Variants in FCHSD2 observed in about 807,000 individuals in gnomAD.
FCHSD2 encodes F-BAR and double SH3 domains protein 2.
A neutral mutation model predicts 108.1 loss-of-function variants in FCHSD2; 38 were observed. That is an observed-to-expected ratio of 0.35 (90% CI 0.27 to 0.46). FCHSD2 has a LOEUF of 0.46. Ranked by LOEUF, FCHSD2 falls within the 20% of genes least tolerant of loss-of-function variation. The pLI is 1.00. For synonymous variants in FCHSD2, 279 were observed against 314.7 expected, an observed-to-expected ratio of 0.89 and a Z score of 1.20; for missense variants, 751 against 897.8, an observed-to-expected ratio of 0.84 and a Z score of 2.09.
At chr11:73,103,346 G>A (rs531250629) in intron 2 of FCHSD2, among the ~76,000 whole-genome samples, 10 of 152,142 alleles carry the variant, frequency 6.6e-5, no homozygotes, top group African/African-American at 2.2e-4. Context: ...TTCAGAACCC[G>A]CAAAACACTG....
chr11:72,847,537 T>C (rs1397505604), intron 14 of FCHSD2, among the ~76,000 whole-genome samples: 2 of 152,052 alleles, frequency 1.3e-5, no homozygotes, highest in African/African-American at 4.8e-5. Flanking sequence ...TAAGATTAAG[T>C]TTGGCTGGGC....
intron 5 of FCHSD2, among the ~76,000 whole-genome samples, chr11:72,991,775 C>T (rs1481861955): frequency 1.3e-5 from 2 of 152,122 alleles, no homozygotes; most frequent in East Asian, 1.9e-4. Flanking sequence ...ATAATAAGAA[C>T]TATCTATGAC....
intron 2 of FCHSD2, among the ~76,000 whole-genome samples, chr11:73,138,215 C>T (rs973172808): frequency 2.0e-5 from 3 of 152,282 alleles, no homozygotes; most frequent in East Asian, 3.9e-4. Flanking sequence ...ATTATTGCCC[C>T]ATTTTACAAA....
intron 8 of FCHSD2, among the ~76,000 whole-genome samples, chr11:72,963,132 C>T (rs1193599369): frequency 6.6e-6 from 1 of 152,132 alleles, no homozygotes; most frequent in Admixed American, 6.5e-5. Flanking sequence ...CAGTACTTTA[C>T]GTGTGTTTTT....
intron 8 of FCHSD2, among the ~76,000 whole-genome samples, chr11:72,969,482 A>AT (rs1565347312): frequency 6.6e-6 from 1 of 152,164 alleles, no homozygotes; most frequent in South Asian, 2.1e-4. Context: ...CTTTGTCTTA[A>AT]TTTTTTGAGG....
chr11:73,087,192 GT>G (rs1366338272), intron 2 of FCHSD2, among the ~76,000 whole-genome samples: 11 of 151,996 alleles, frequency 7.2e-5, no homozygotes, highest in African/African-American at 2.7e-4. Context: ...GTGTGTCTTT[GT>G]TTTTGACAAA....
Position 72,841,506 on chromosome 11 carries a change from G to A in FCHSD2, c.2004C>T (p.Pro668=). 6.2e-7 allele frequency: 1 copy of A among 1,611,480 alleles called. No individual in the cohort carries two copies. Among genetic ancestry groups the A allele is most frequent in the Non-Finnish European group, 8.5e-7 (1 of 1,178,894 alleles). ...ACAGGGAGCTCCTCTTATCTGGGCTGGGGTAGGGGCTGCTGGGAGGCTGGT... is the reference window on the plus strand; with the variant it reads ...ACAGGGAGCTCCTCTTATCTGGGCTAGGGTAGGGGCTGCTGGGAGGCTGGT... ...LYDQPPSSPY[P]SPDKRSSLYF... The change falls in exon 18 of 20, where the codon CCC becomes CCT. Residue 668 remains proline, a synonymous_variant. Transcript: ENST00000409418.
At position 73,142,111 on chromosome 11, in the gene FCHSD2, G is replaced by A. The variant is rs1214073786; in HGVS notation, c.-234C>T. On this transcript the variant is annotated 5_prime_UTR_variant, in exon 1 of 20. Coordinates refer to ENST00000409418, the MANE Select transcript of FCHSD2 (RefSeq NM_014824.3). ...ACCGGGAAGGCTTGGGGCCCGGGCG[G>A]CCCGGGCGGCCCGGGGGTGTGTGAG... is the stretch of plus-strand genomic sequence containing the variant. 15 of 420,790 alleles carry A rather than the reference G, an allele frequency of 3.6e-5. No individual in the cohort carries two copies. Among genetic ancestry groups the A allele is most frequent in the Non-Finnish European group, 5.5e-5 (13 of 235,554 alleles). 26.1% of individuals were successfully genotyped at this position (420,790 alleles called of 1,614,324 possible).
chr11:73,138,974 G>A (rs72984924), intron 2 of FCHSD2, among the ~76,000 whole-genome samples: 3,391 of 152,204 alleles, frequency 0.022, 119 homozygotes, highest in African/African-American at 0.077. Flanking sequence ...GACAAATACA[G>A]AATTAAAATT....
At chr11:72,978,835 C>T (rs1857157876) in intron 8 of FCHSD2, among the ~76,000 whole-genome samples, 2 of 150,968 alleles carry the variant, frequency 1.3e-5, no homozygotes, top group Admixed American at 1.3e-4. Context: ...ATAAATTACC[C>T]AGTCTCAGGT....
At position 72,984,128 on chromosome 11, in the gene FCHSD2, T is replaced by C. The variant is rs774655376; in HGVS notation, c.665A>G (p.Gln222Arg). 1.2e-6 allele frequency: 2 copies of C among 1,613,560 alleles called. No individual in the cohort carries two copies. Among genetic ancestry groups the C allele is most frequent in the Non-Finnish European group, 1.7e-6 (2 of 1,179,490 alleles). Residue 222 changes from glutamine to arginine, a missense_variant, in exon 8 of 20, where the codon CAG becomes CGG. Transcript: ENST00000409418. Reference sequence around the variant, plus strand: ...TAAATCTGTTTGATAGTAGCGATCCTGATGTGCATTTGCTGCCGCTAGGGT... The same window carrying C: ...TAAATCTGTTTGATAGTAGCGATCCCGATGTGCATTTGCTGCCGCTAGGGT... ...LLTLAAANAH[Q>R]DRYYQTDLVN... is the part of the protein sequence containing the mutation.
At chr11:72,901,929 C>T (rs1855535115) in intron 10 of FCHSD2, among the ~76,000 whole-genome samples, 1 of 151,886 alleles carries the variant, frequency 6.6e-6, no homozygotes, top group Non-Finnish European at 1.5e-5. Flanking sequence ...GGCTGGAGTG[C>T]AGTGGTGTGA....
chr11:73,064,746 A>G (rs1374106205), intron 3 of FCHSD2, among the ~76,000 whole-genome samples: 1 of 152,212 alleles, frequency 6.6e-6, no homozygotes, highest in Admixed American at 6.5e-5. Flanking sequence ...CAAATAAACT[A>G]GAAAATCTAG....
At chr11:72,992,687 G>A (rs1857439993) in intron 5 of FCHSD2, among the ~76,000 whole-genome samples, 1 of 152,136 alleles carries the variant, frequency 6.6e-6, no homozygotes, top group African/African-American at 2.4e-5. Context: ...AATGGTGCTG[G>A]GAATACTGGC....
intron 3 of FCHSD2, among the ~76,000 whole-genome samples, chr11:73,043,127 C>T (rs1301840428): frequency 1.3e-5 from 2 of 152,166 alleles, no homozygotes; most frequent in Non-Finnish European, 2.9e-5. Context: ...CCTTGTCTTA[C>T]TCCACTTCTT....
intron 3 of FCHSD2, among the ~76,000 whole-genome samples, chr11:73,029,692 G>A (rs1054026549): frequency 3.3e-5 from 5 of 152,142 alleles, no homozygotes; most frequent in Admixed American, 1.3e-4. Context: ...AGTGACTTCC[G>A]GGGAACTTAA....
chr11:72,929,740 A>C (rs1036194097), intron 8 of FCHSD2, among the ~76,000 whole-genome samples: 2 of 152,338 alleles, frequency 1.3e-5, no homozygotes, highest in African/African-American at 4.8e-5. Flanking sequence ...TGTCCCAAAA[A>C]TAGAACCAAA....
intron 3 of FCHSD2, among the ~76,000 whole-genome samples, chr11:73,041,228 T>A (rs1858629636): frequency 6.6e-6 from 1 of 152,224 alleles, no homozygotes; most frequent in Non-Finnish European, 1.5e-5. Context: ...TGATTTCCTT[T>A]CTTTGGATAA....
At chr11:73,084,729 T>C (rs1026381574) in intron 2 of FCHSD2, among the ~76,000 whole-genome samples, 28 of 152,204 alleles carry the variant, frequency 1.8e-4, no homozygotes, top group African/African-American at 6.5e-4. Context: ...TTTATGATAC[T>C]GGAATGCATC....
Sources: allele counts gnomAD v4.1 joint callset (sites outside exome capture counted in the v4.1 genomes callset), GRCh38; gene constraint gnomAD v4.1.1; transcripts MANE v1.5; gene names NCBI Gene and HGNC (gene_info 2026-07-23, HGNC 2026-07-21).